The following C3orf70 variants were observed in gnomAD, a reference collection of about 807,000 sequenced individuals.
C3orf70 encodes the protein chromosome 3 open reading frame 70, also known as UPF0524 protein C3orf70.
Under a neutral mutation model 20.7 loss-of-function variants are expected in C3orf70, and 15 were observed. That is an observed-to-expected ratio of 0.72 (90% CI 0.48 to 1.11). The LOEUF is 1.11. C3orf70 is among the 50% of genes most tolerant of loss of function. The probability of loss-of-function intolerance (pLI) is 0.00; values close to 1 mark genes in which losing one functional copy is unlikely to be tolerated. For synonymous variants in C3orf70, 161 were observed against 125.7 expected, an observed-to-expected ratio of 1.28 and a Z score of -1.88; for missense variants, 332 against 317.6, an observed-to-expected ratio of 1.05 and a Z score of -0.34.
At chr3:185,091,904 C>T (rs1715581456) in intron 1 of C3orf70, among the ~76,000 whole-genome samples, 1 of 78,118 alleles carries the variant, frequency 1.3e-5, no homozygotes, top group Non-Finnish European at 2.6e-5. Context: ...CATACACACA[C>T]ACACATACAT....
intron 1 of C3orf70, among the ~76,000 whole-genome samples, chr3:185,092,768 GGATCACGA>G (rs1290526878): frequency 6.6e-6 from 1 of 152,106 alleles, no homozygotes; most frequent in Non-Finnish European, 1.5e-5. Context: ...CTAGGTGGGC[GGATCACGA>G]GGTCAGGAGA....
chr3:185,092,428 TC>T (rs1715611787), intron 1 of C3orf70, among the ~76,000 whole-genome samples: 1 of 151,542 alleles, frequency 6.6e-6, no homozygotes, highest in African/African-American at 2.4e-5. Flanking sequence ...TGTCCAGATC[TC>T]TGCCACCTAC....
chr3:185,094,623 T>C (rs1163999630), intron 1 of C3orf70, among the ~76,000 whole-genome samples: 1 of 151,870 alleles, frequency 6.6e-6, no homozygotes, highest in Non-Finnish European at 1.5e-5. Flanking sequence ...GAGAGGCTCC[T>C]TTTACGGCCA....
intron 1 of C3orf70, among the ~76,000 whole-genome samples, chr3:185,084,164 CAG>C (rs2108585938): frequency 6.8e-6 from 1 of 148,082 alleles, no homozygotes; most frequent in East Asian, 2.0e-4. Flanking sequence ...GCCTGGGCGA[CAG>C]AGTGAGACCC....
At chr3:185,088,663 TTG>T (rs1259783635) in intron 1 of C3orf70, among the ~76,000 whole-genome samples, 1 of 152,334 alleles carries the variant, frequency 6.6e-6, no homozygotes, top group South Asian at 2.1e-4. Context: ...TTTATTAACT[TTG>T]TGGTGCCTGT....
At chr3:185,083,673 CAAAAG>C in intron 1 of C3orf70, 110 bp from the exon 2 acceptor site, 2 of 824,402 alleles carry the variant, frequency 2.4e-6, no homozygotes, top group Non-Finnish European at 3.6e-6. Flanking sequence ...AGTAACACCT[CAAAAG>C]AAACTAGTAA....
At chr3:185,086,321 G>A (rs1435307051) in intron 1 of C3orf70, among the ~76,000 whole-genome samples, 1 of 152,072 alleles carries the variant, frequency 6.6e-6, no homozygotes, top group African/African-American at 2.4e-5. Flanking sequence ...TAGTGCTGTG[G>A]ACTGAATGTT....
At chr3:185,133,907 G>T (rs150815105) in intron 1 of C3orf70, among the ~76,000 whole-genome samples, 3 of 152,088 alleles carry the variant, frequency 2.0e-5, no homozygotes, top group Non-Finnish European at 4.4e-5. Context: ...TGGGCAACAT[G>T]GTGAAATCCC....
At chr3:185,092,876 A>G (rs539912904) in intron 1 of C3orf70, among the ~76,000 whole-genome samples, 1 of 152,226 alleles carries the variant, frequency 6.6e-6, no homozygotes, top group Non-Finnish European at 1.5e-5. Context: ...CTGTAATCCC[A>G]GCTACTTGGG....
At chr3:185,107,225 T>A (rs1715963246) in intron 1 of C3orf70, among the ~76,000 whole-genome samples, 1 of 152,178 alleles carries the variant, frequency 6.6e-6, no homozygotes, top group Non-Finnish European at 1.5e-5. Flanking sequence ...GTAAAGCCCC[T>A]GAAGTATATC....
chr3:185,103,719 C>T (rs1310310265), intron 1 of C3orf70, among the ~76,000 whole-genome samples: 1 of 152,118 alleles, frequency 6.6e-6, no homozygotes, highest in Admixed American at 6.5e-5. Flanking sequence ...GGAGAAGCAG[C>T]CTGCCTGAAA....
In C3orf70 at chr3:185,094,074, GTTTTTT is replaced by G. The variant is rs71162282; in HGVS notation, c.197-10517_197-10512del. On this transcript the variant is annotated intron_variant, in intron 1 of 1. Coordinates refer to ENST00000335012, the MANE Select transcript of C3orf70 (RefSeq NM_001025266.3). ...GGTTTGTAATGAGTTATACCCTGGGGTTTTTTTTTTTTTTTTTTTTTTTGAGATGGA... is the reference window on the plus strand; with the variant it reads ...GGTTTGTAATGAGTTATACCCTGGGGTTTTTTTTTTTTTTTTTGAGATGGA... 7.4e-5 allele frequency among the ~76,000 whole-genome samples: 6 copies of G among 80,648 alleles called. No individual in the cohort carries two copies. The East Asian group carries it at 2.5e-3, about 34-fold the overall frequency. The allele number at this position is 80,648 out of a possible 152,430, so 52.9% of individuals were successfully genotyped here.
At chr3:185,129,103 TTTTTAAA>T (rs1379249605) in intron 1 of C3orf70, among the ~76,000 whole-genome samples, 3 of 152,206 alleles carry the variant, frequency 2.0e-5, no homozygotes, top group African/African-American at 7.2e-5. Context: ...TAGACATGAC[TTTTTAAA>T]ATTACAGTTT....
intron 1 of C3orf70, among the ~76,000 whole-genome samples, chr3:185,126,291 A>C (rs1249635763): frequency 6.6e-6 from 1 of 152,208 alleles, no homozygotes; most frequent in African/African-American, 2.4e-5. Context: ...TTGTATAGCT[A>C]ACAACTTATG....
chr3:185,094,436 TTAA>T (rs1186638382), intron 1 of C3orf70, among the ~76,000 whole-genome samples: 1 of 152,174 alleles, frequency 6.6e-6, no homozygotes, highest in East Asian at 1.9e-4. Flanking sequence ...GTATTTTTAA[TTAA>T]TGATTGGTTG....
chr3:185,137,810 A>G (rs1716658914), intron 1 of C3orf70, among the ~76,000 whole-genome samples: 1 of 152,210 alleles, frequency 6.6e-6, no homozygotes, highest in Non-Finnish European at 1.5e-5. Context: ...GCCTCAAATC[A>G]GTAATCTAAG....
chr3:185,136,405 T>C (rs1716622321), intron 1 of C3orf70, among the ~76,000 whole-genome samples: 1 of 151,510 alleles, frequency 6.6e-6, no homozygotes, highest in Non-Finnish European at 1.5e-5. Context: ...CTGGCCAAAA[T>C]GGAGAAACCC....
At chr3:185,127,014 C>T (rs190165380) in intron 1 of C3orf70, among the ~76,000 whole-genome samples, 79 of 152,332 alleles carry the variant, frequency 5.2e-4, no homozygotes, top group African/African-American at 1.8e-3. Flanking sequence ...GCAAAGATCT[C>T]CAGTTAATCT....
intron 1 of C3orf70, among the ~76,000 whole-genome samples, chr3:185,122,976 T>C (rs945941481): frequency 5.3e-5 from 8 of 150,148 alleles, no homozygotes; most frequent in African/African-American, 2.0e-4. Context: ...GCCAACATGG[T>C]GAAATCTCAT....
Sources: allele counts gnomAD v4.1 joint callset (sites outside exome capture counted in the v4.1 genomes callset), GRCh38; gene constraint gnomAD v4.1.1; transcripts MANE v1.5; gene names NCBI Gene and HGNC (gene_info 2026-07-23, HGNC 2026-07-21).